The following TMEM140 variants were observed in gnomAD, a reference collection of about 807,000 sequenced individuals.
TMEM140 encodes the protein transmembrane protein 140.
For missense variants in TMEM140, 236 were observed against 228.5 expected (o/e 1.03, Z -0.21); for synonymous variants, 107 against 106.8 (o/e 1.00, Z -0.01).
chr7:135,148,934 T>G (rs1421229365), intron 1 of TMEM140, among the ~76,000 whole-genome samples: 4 of 152,172 alleles, frequency 2.6e-5, no homozygotes, highest in Non-Finnish European at 5.9e-5. Context: ...CCACTATGCT[T>G]CTTCGCCTAT....
rs538438106 is a variant in TMEM140 at position 135,150,939 on chromosome 7, C to A, written c.-25+2669C>A. 4.6e-5 allele frequency among the ~76,000 whole-genome samples: 7 copies of A among 152,324 alleles called. No individual in the cohort carries two copies. The South Asian group carries it at 1.4e-3, about 32-fold the overall frequency. On this transcript the variant is annotated intron_variant, in intron 1 of 1. Transcript: ENST00000275767. ...CTTCTCCCTCTAAACTTTTTGTAAT[C>A]TTTGTTCCCACTTGGATTATCTGCT... is the stretch of plus-strand genomic sequence containing the variant.
chr7:135,148,242 T>G lies in TMEM140; in HGVS notation c.-53T>G, dbSNP rs949491130. The stretch of plus-strand genomic sequence containing the variant: ...ATTTCCTGCTTCTCCTTTTCATGAG[T>G]GTTCCTGTGGTCTCTGCACCTCCTT... On this transcript the variant is annotated 5_prime_UTR_variant, in exon 1 of 2. Coordinates refer to ENST00000275767, the MANE Select transcript of TMEM140 (RefSeq NM_018295.5). 2.5e-6 allele frequency: 1 copy of G among 399,580 alleles called. No individual in the cohort carries two copies. Among genetic ancestry groups the G allele is most frequent in the Non-Finnish European group, 4.9e-6 (1 of 203,196 alleles). 24.8% of individuals were successfully genotyped at this position (399,580 alleles called of 1,614,324 possible). A position where few individuals can be genotyped will look rare whatever the true frequency, so the allele number is the denominator to read the frequency against.
intron 1 of TMEM140, among the ~76,000 whole-genome samples, chr7:135,156,636 A>C (rs1329589681): frequency 6.6e-6 from 1 of 152,084 alleles, no homozygotes; most frequent in South Asian, 2.1e-4. Flanking sequence ...TCTTTGTATT[A>C]GTTTTCAGAT....
In TMEM140 at chr7:135,148,242, T is replaced by C. The variant is rs949491130; in HGVS notation, c.-53T>C. 2.5e-6 allele frequency: 1 copy of C among 399,580 alleles called. No homozygotes were observed. The highest frequency in any genetic ancestry group is 4.9e-6 in the Non-Finnish European group (1 of 203,196). The allele number at this position is 399,580 out of a possible 1,614,324, so 24.8% of individuals were successfully genotyped here. ...ATTTCCTGCTTCTCCTTTTCATGAG[T>C]GTTCCTGTGGTCTCTGCACCTCCTT... On this transcript the variant is annotated 5_prime_UTR_variant, in exon 1 of 2. Transcript: ENST00000275767.
At chr7:135,155,052 G>A (rs559439630) in intron 1 of TMEM140, among the ~76,000 whole-genome samples, 11 of 152,128 alleles carry the variant, frequency 7.2e-5, no homozygotes, top group South Asian at 2.1e-4. Context: ...CTATTATATC[G>A]TCTTGCTGAA....
rs576626549 is a variant in TMEM140, at chr7:135,163,397, T to G, written c.-24-1021T>G. ...TGGCTCATGCCTGTAATCCCAGCAC[T>G]TTGGGAGGCCAAGGTGGGTGGATCA... On this transcript the variant is annotated intron_variant, in intron 1 of 1. Coordinates refer to ENST00000275767, the MANE Select transcript of TMEM140 (RefSeq NM_018295.5). Among the ~76,000 whole-genome samples the G allele has an allele frequency of 5.9e-5, 9 of 152,078 alleles. No individual in the cohort carries two copies. The South Asian group carries it at 1.9e-3, about 32-fold the overall frequency.
chr7:135,165,650 A>T lies in TMEM140; in HGVS notation c.*651A>T, dbSNP rs1195506909. The stretch of plus-strand genomic sequence containing the variant: ...AGACAGGGCAGAGGCGTCCGCTGAC[A>T]AATCACTCCCATGATGAGACCCTGG... On this transcript the variant is annotated 3_prime_UTR_variant, in exon 2 of 2. Transcript: ENST00000275767. 1.2e-5 allele frequency: 2 copies of T among 166,982 alleles called. No individual in the cohort carries two copies. The highest frequency in any genetic ancestry group is 2.9e-5 in the Non-Finnish European group (2 of 68,186). The allele number at this position is 166,982 out of a possible 1,614,324, so 10.3% of individuals were successfully genotyped here.
chr7:135,164,659 T>A lies in TMEM140; in HGVS notation c.218T>A (p.Leu73Gln). Residue 73 changes from leucine (L) to glutamine (Q), a missense_variant, in exon 2 of 2, where the codon CTG (leucine) becomes CAG (glutamine). Transcript: ENST00000275767. ...QCHQFPELEALGVPRVGLGLA... is the reference protein window; with the variant it reads ...QCHQFPELEAQGVPRVGLGLA... ...CACCAGTTCCCTGAGCTGGAAGCCC[T>A]GGGGGTGCCTCGGGTTGGCCTGGGC... The A allele has an allele frequency of 6.2e-7, 1 of 1,613,418 alleles. No individual in the cohort carries two copies.
At position 135,165,058 on chromosome 7, in the gene TMEM140, C is replaced by G; in HGVS notation, c.*59C>G. On this transcript the variant is annotated 3_prime_UTR_variant, in exon 2 of 2. Coordinates refer to ENST00000275767, the MANE Select transcript of TMEM140 (RefSeq NM_018295.5). ...CATGGTCAGAGGTGGCACATCTGCT[C>G]AGCCATCTCATTTTACAGCTAACGC... 1 of 1,498,110 alleles carries G rather than the reference C, an allele frequency of 6.7e-7. No homozygotes were observed. Among genetic ancestry groups the G allele is most frequent in the Non-Finnish European group, 9.0e-7 (1 of 1,115,154 alleles). 92.8% of individuals were successfully genotyped at this position (1,498,110 alleles called of 1,614,324 possible). A position where few individuals can be genotyped will look rare whatever the true frequency, so the allele number is the denominator to read the frequency against.
Position 135,159,714 on chromosome 7 carries a change from C to G in TMEM140, c.-24-4704C>G, listed in dbSNP as rs1057466798. Among the ~76,000 whole-genome samples, 19 of 152,206 alleles carry G rather than the reference C, an allele frequency of 1.2e-4. 1 individual carries two copies. The highest frequency in any genetic ancestry group is 4.6e-4 in the African/African-American group (19 of 41,448). The stretch of plus-strand genomic sequence containing the variant: ...GTTCATACAGACCAACAAACAAAAA[C>G]TGAAACTCAAAATTATTTTTAAAAT... On this transcript the variant is annotated intron_variant, in intron 1 of 1. Transcript: ENST00000275767.
At position 135,161,934 on chromosome 7, in the gene TMEM140, C is replaced by CT. The variant is rs144838707; in HGVS notation, c.-24-2483dup. Among the ~76,000 whole-genome samples, 74 of 152,360 alleles carry CT rather than the reference C, an allele frequency of 4.9e-4. No homozygotes were observed. In the East Asian group the frequency reaches 0.013, roughly 27 times the overall value. ...GCTGCTGAGTCCAGAGAAGCGGCAT[C>CT]TGAGGGGAGGCGGTGGCAGTGTGGA... On this transcript the variant is annotated intron_variant, in intron 1 of 1. Coordinates refer to ENST00000275767, the MANE Select transcript of TMEM140 (RefSeq NM_018295.5). The surrounding 1 kb of genome is among the most constrained non-coding windows in gnomAD (Gnocchi z 4.1).
At position 135,151,821 on chromosome 7, in the gene TMEM140, GTCA is replaced by G. The variant is rs1297566121; in HGVS notation, c.-25+3554_-25+3556del. The stretch of plus-strand genomic sequence containing the variant: ...TGACAGAACGACGACATGCTCCCAG[GTCA>G]TCTGGCTCTAAAACCCATGCTCCTT... On this transcript the variant is annotated intron_variant, in intron 1 of 1. Transcript: ENST00000275767. This position sits in a 1 kb window ranked among gnomAD's most constrained non-coding sequence, Gnocchi z 4.3. Among the ~76,000 whole-genome samples, 4 of 152,252 alleles carry G rather than the reference GTCA, an allele frequency of 2.6e-5. No homozygotes were observed. The East Asian group carries it at 7.7e-4, about 29-fold the overall frequency.
intron 1 of TMEM140, among the ~76,000 whole-genome samples, chr7:135,148,651 G>C (rs1047446788): frequency 2.0e-5 from 3 of 152,194 alleles, no homozygotes; most frequent in African/African-American, 7.2e-5. Flanking sequence ...GTAAACAAAA[G>C]CAGGTCACCG....
At chr7:135,162,572 A>AG (rs1441935895) in intron 1 of TMEM140, among the ~76,000 whole-genome samples, 3 of 152,252 alleles carry the variant, frequency 2.0e-5, no homozygotes, top group African/African-American at 7.2e-5. Flanking sequence ...ACATGGCAGC[A>AG]GGCAAGAGAA....
intron 1 of TMEM140, among the ~76,000 whole-genome samples, chr7:135,155,423 G>A (rs1829766248): frequency 6.6e-6 from 1 of 152,106 alleles, no homozygotes; most frequent in Admixed American, 6.5e-5. Flanking sequence ...TTTTGACTTT[G>A]TGTTTTGATG....
At chr7:135,164,108 C>A (rs1427960477) in intron 1 of TMEM140, among the ~76,000 whole-genome samples, 1 of 152,220 alleles carries the variant, frequency 6.6e-6, no homozygotes, top group East Asian at 1.9e-4. Flanking sequence ...TTTCCAATGG[C>A]TTGTTGTATT....
At chr7:135,152,911 T>C (rs1262437228) in intron 1 of TMEM140, 1 of 152,134 alleles carries the variant, frequency 6.6e-6, no homozygotes, top group African/African-American at 2.4e-5. Context: ...TGGTGCCCGA[T>C]GGGGAAGGGG....
rs1403107130 is a variant in TMEM140 at position 135,164,627 on chromosome 7, A to C, written c.186A>C (p.Leu62=). ...FCLWNEDTST[L]QCHQFPELEA... The stretch of plus-strand genomic sequence containing the variant: ...TGTGGAATGAGGACACCAGCACCCT[A>C]CAGTGTCACCAGTTCCCTGAGCTGG... The change falls in exon 2 of 2, where the codon CTA becomes CTC. Residue 62 remains leucine (L), a synonymous_variant. Coordinates refer to ENST00000275767, the MANE Select transcript of TMEM140 (RefSeq NM_018295.5). 6 of 1,613,904 alleles carry C rather than the reference A, an allele frequency of 3.7e-6. No homozygotes were observed. The highest frequency in any genetic ancestry group is 5.1e-6 in the Non-Finnish European group (6 of 1,179,760).
chr7:135,159,224 C>T (rs1269720289), intron 1 of TMEM140, among the ~76,000 whole-genome samples: 2 of 152,228 alleles, frequency 1.3e-5, no homozygotes, highest in Non-Finnish European at 2.9e-5. Flanking sequence ...AATGGATCCA[C>T]TTACTATTCT....
Sources: allele counts gnomAD v4.1 joint callset (sites outside exome capture counted in the v4.1 genomes callset), GRCh38; gene constraint gnomAD v4.1.1; non-coding constraint Gnocchi (gnomAD v3.1); transcripts MANE v1.5; gene names NCBI Gene and HGNC (gene_info 2026-07-23, HGNC 2026-07-21).